NTM: variants seen among roughly 807,000 people sequenced by gnomAD.
The protein encoded by NTM is IgLON family member 2.
Under a neutral mutation model 42.1 loss-of-function variants are expected in NTM, and 13 were observed. That is an observed-to-expected ratio of 0.31 (90% CI 0.20 to 0.49). NTM has a LOEUF of 0.49. Ranked by LOEUF, NTM falls within the 20% of genes least tolerant of loss-of-function variation. The pLI is 0.99. For missense variants in NTM, 373 were observed against 452.8 expected, an observed-to-expected ratio of 0.82 and a Z score of 1.60; for synonymous variants, 187 against 179.2, an observed-to-expected ratio of 1.04 and a Z score of -0.35.
intron 2 of NTM, among the ~76,000 whole-genome samples, chr11:131,984,946 C>T (rs1161272591): frequency 2.6e-5 from 4 of 152,142 alleles, no homozygotes; most frequent in Non-Finnish European, 4.4e-5. Context: ...TGAGGCCTTT[C>T]GTCAAATCGT....
chr11:131,453,593 G>A (rs1363419970), intron 1 of NTM, among the ~76,000 whole-genome samples: 2 of 152,028 alleles, frequency 1.3e-5, no homozygotes, highest in Non-Finnish European at 2.9e-5. Flanking sequence ...GTTTATCCAG[G>A]AATTAGCAAG....
At chr11:132,031,402 G>A (rs117506889) in intron 2 of NTM, among the ~76,000 whole-genome samples, 3,255 of 152,310 alleles carry the variant, frequency 0.021, 44 homozygotes, top group South Asian at 0.055. Flanking sequence ...GACTGTTGCC[G>A]TATTCCAGAT....
chr11:131,371,439 G>A (rs557864572), intron 1 of NTM, among the ~76,000 whole-genome samples: 1 of 152,334 alleles, frequency 6.6e-6, no homozygotes, highest in East Asian at 1.9e-4. Flanking sequence ...GGGGACAACT[G>A]TATTAGTTTT....
At chr11:132,067,583 G>A (rs960300357) in intron 2 of NTM, among the ~76,000 whole-genome samples, 1 of 152,190 alleles carries the variant, frequency 6.6e-6, no homozygotes, top group Non-Finnish European at 1.5e-5. Flanking sequence ...AACAGTTGTA[G>A]GCACTCCTAT....
intron 1 of NTM, among the ~76,000 whole-genome samples, chr11:131,451,285 A>G (rs1950466977): frequency 6.6e-6 from 1 of 152,242 alleles, no homozygotes; most frequent in South Asian, 2.1e-4. Context: ...GAAACCAAGC[A>G]TATGCACAAA....
At chr11:132,313,913 CAGACTAATCCTCT>C (rs1047624489) in intron 6 of NTM, among the ~76,000 whole-genome samples, 17 of 152,286 alleles carry the variant, frequency 1.1e-4, no homozygotes, top group African/African-American at 3.6e-4. Context: ...CTAATCCTTC[CAGACTAATCCTCT>C]ATAACAGTCT....
chr11:132,050,447 G>A (rs1483366987), intron 2 of NTM, among the ~76,000 whole-genome samples: 3 of 152,200 alleles, frequency 2.0e-5, no homozygotes, highest in South Asian at 4.1e-4. Flanking sequence ...AAAGGGGCTG[G>A]GCAAATGATT....
intron 1 of NTM, among the ~76,000 whole-genome samples, chr11:131,885,353 C>T (rs1275614183): frequency 1.3e-5 from 2 of 152,186 alleles, no homozygotes; most frequent in Non-Finnish European, 1.5e-5. Context: ...GGAGCCCTTC[C>T]CTCAAGCCTG....
chr11:132,275,396 A>G (rs2093665152), intron 4 of NTM, among the ~76,000 whole-genome samples: 1 of 152,094 alleles, frequency 6.6e-6, no homozygotes, highest in South Asian at 2.1e-4. Context: ...CAATGTATAT[A>G]TCAATCCTTG....
chr11:131,915,529 C>A (rs1314601484), intron 2 of NTM, among the ~76,000 whole-genome samples: 1 of 152,182 alleles, frequency 6.6e-6, no homozygotes, highest in African/African-American at 2.4e-5. Flanking sequence ...CCACATTTCT[C>A]TATCATTTTA....
At chr11:132,307,190 AG>A (rs1372101308) in intron 4 of NTM, among the ~76,000 whole-genome samples, 1 of 152,118 alleles carries the variant, frequency 6.6e-6, no homozygotes, top group African/African-American at 2.4e-5. Flanking sequence ...TTTTTATGTT[AG>A]TGTTTCTGCT....
intron 7 of NTM, among the ~76,000 whole-genome samples, chr11:132,318,511 C>G (rs1591988550): frequency 6.6e-6 from 1 of 152,154 alleles, no homozygotes; most frequent in South Asian, 2.1e-4. Flanking sequence ...TCCAGTCCTC[C>G]CCTGCAAATA....
Position 131,980,309 on chromosome 11 carries a change from G to GC in NTM, c.167+68665dup, listed in dbSNP as rs568272838. Reference sequence around the variant, plus strand: ...GGCCGATTTATTTTCTCCCCACAGAGCCCCATTGATGCTGAATTTTTATTG... The same window carrying GC: ...GGCCGATTTATTTTCTCCCCACAGAGCCCCCATTGATGCTGAATTTTTATTG... On this transcript the variant is annotated intron_variant, in intron 2 of 8. Coordinates refer to ENST00000683400, the MANE Select transcript of NTM (RefSeq NM_001352005.2). 2.5e-4 allele frequency among the ~76,000 whole-genome samples: 38 copies of GC among 152,198 alleles called. No homozygotes were observed. In the South Asian group the frequency reaches 7.3e-3, roughly 29 times the overall value.
intron 1 of NTM, among the ~76,000 whole-genome samples, chr11:131,449,836 C>A (rs1169755790): frequency 6.6e-6 from 1 of 152,166 alleles, no homozygotes; most frequent in East Asian, 1.9e-4. Flanking sequence ...TACGAACAGG[C>A]TCCACTGTCA....
At chr11:131,763,707 C>G (rs1321727161) in intron 1 of NTM, among the ~76,000 whole-genome samples, 1 of 60,766 alleles carries the variant, frequency 1.6e-5, no homozygotes, top group Middle Eastern at 8.6e-3. Context: ...CCATCTCTCT[C>G]TCTTTTTTTT....
intron 1 of NTM, among the ~76,000 whole-genome samples, chr11:131,655,084 C>T (rs1328110933): frequency 1.3e-5 from 2 of 152,154 alleles, no homozygotes; most frequent in Non-Finnish European, 2.9e-5. Context: ...ACACTGCTTC[C>T]CACATTTGGC....
At chr11:132,010,407 G>A (rs933866870) in intron 2 of NTM, among the ~76,000 whole-genome samples, 1 of 152,068 alleles carries the variant, frequency 6.6e-6, no homozygotes, top group African/African-American at 2.4e-5. Flanking sequence ...TCAGTCCCTG[G>A]CTGCTCTTCC....
chr11:132,293,676 G>GTT (rs34368571), intron 4 of NTM, among the ~76,000 whole-genome samples: 13 of 147,388 alleles, frequency 8.8e-5, no homozygotes, highest in Non-Finnish European at 9.0e-5. Flanking sequence ...GAAATGTAAG[G>GTT]TTTTTTTTTT....
intron 1 of NTM, among the ~76,000 whole-genome samples, chr11:131,878,812 G>A (rs2049001028): frequency 6.6e-6 from 1 of 151,574 alleles, no homozygotes; most frequent in South Asian, 2.1e-4. Context: ...CTGCACTCAT[G>A]AGTAATATCT....
Sources: allele counts gnomAD v4.1 joint callset (sites outside exome capture counted in the v4.1 genomes callset), GRCh38; gene constraint gnomAD v4.1.1; transcripts MANE v1.5; gene names NCBI Gene and HGNC (gene_info 2026-07-23, HGNC 2026-07-21).